ZNF57: variants seen among roughly 807,000 people sequenced by gnomAD.
The protein encoded by ZNF57 is zinc finger protein 424.
In ZNF57, 11 loss-of-function variants were observed where a neutral mutation model predicts 13.4. The ratio of observed to expected loss-of-function variants is 0.82; its 90% CI spans 0.52 to 1.36. The LOEUF (loss-of-function observed/expected upper bound fraction) is 1.36, where lower values mean the gene tolerates loss of function less well. Ranked by LOEUF, ZNF57 falls within the 40% of genes most tolerant of loss-of-function variation. The probability of loss-of-function intolerance (pLI) is 0.00; values close to 1 mark genes in which losing one functional copy is unlikely to be tolerated. For missense variants in ZNF57, 696 were observed against 667.5 expected (o/e 1.04, Z -0.47); for synonymous variants, 224 against 238.5 (o/e 0.94, Z 0.56).
At chr19:2,912,332 G>A (rs2088145618) in intron 1 of ZNF57, 1 of 152,186 alleles carries the variant, frequency 6.6e-6, no homozygotes, top group Admixed American at 6.5e-5. Flanking sequence ...AAGGCCCGGT[G>A]AGAAAGAGCA....
intron 1 of ZNF57, among the ~76,000 whole-genome samples, chr19:2,902,055 C>T (rs866019134): frequency 1.3e-5 from 2 of 149,716 alleles, no homozygotes; most frequent in Non-Finnish European, 3.0e-5. Flanking sequence ...GCGAGGAGGA[C>T]GTATCGTACA....
intron 3 of ZNF57, chr19:2,916,702 T>C (rs982872845): frequency 4.2e-5 from 15 of 357,774 alleles, no homozygotes; most frequent in African/African-American, 8.5e-5. Flanking sequence ...GGTGACAGAG[T>C]GAGACTCCAT....
chr19:2,901,707 C>T (rs1165245766), intron 1 of ZNF57, among the ~76,000 whole-genome samples: 1 of 151,946 alleles, frequency 6.6e-6, no homozygotes, highest in Non-Finnish European at 1.5e-5. Flanking sequence ...TTAGTAGAGA[C>T]AGGGTTTCAC....
intron 1 of ZNF57, among the ~76,000 whole-genome samples, chr19:2,904,470 T>C (rs1401841609): frequency 6.6e-6 from 1 of 152,208 alleles, no homozygotes; most frequent in Admixed American, 6.5e-5. Flanking sequence ...GCTTTCCAAG[T>C]AGCTGAGACC....
intron 1 of ZNF57, among the ~76,000 whole-genome samples, chr19:2,904,172 A>T (rs144585095): frequency 2.0e-3 from 302 of 152,256 alleles, no homozygotes; most frequent in African/African-American, 7.0e-3. Context: ...CTGAAATTTC[A>T]ATAAGTGACT....
intron 1 of ZNF57, among the ~76,000 whole-genome samples, chr19:2,905,067 C>G (rs1021756577): frequency 6.6e-6 from 1 of 152,200 alleles, no homozygotes; most frequent in Non-Finnish European, 1.5e-5. Context: ...AGCATTGTTG[C>G]AACGCTTGCT....
At chr19:2,905,579 A>T (rs2088067691) in intron 1 of ZNF57, among the ~76,000 whole-genome samples, 1 of 151,388 alleles carries the variant, frequency 6.6e-6, no homozygotes. Flanking sequence ...CCTGGCTAAT[A>T]GGGTGAAACC....
chr19:2,911,488 G>T, intron 1 of ZNF57, among the ~76,000 whole-genome samples: 1 of 151,820 alleles, frequency 6.6e-6, no homozygotes, highest in Non-Finnish European at 1.5e-5. Context: ...AACTGAGATT[G>T]TGTCATCGCA....
chr19:2,916,313 C>G (rs1183968248), intron 3 of ZNF57, 64 bp downstream of exon 3: 1 of 1,363,508 alleles, frequency 7.3e-7, no homozygotes, highest in Admixed American at 2.7e-5. Flanking sequence ...AGTATTGCTC[C>G]AAATATAAGC....
At chr19:2,915,894 A>C (rs1163892105) in intron 2 of ZNF57, among the ~76,000 whole-genome samples, 184 bp from the exon 3 acceptor site, 1 of 152,196 alleles carries the variant, frequency 6.6e-6, no homozygotes, top group East Asian at 1.9e-4. Flanking sequence ...TTCACTGGTC[A>C]TTTAGGATCA....
chr19:2,904,011 G>A (rs1460797751), intron 1 of ZNF57, among the ~76,000 whole-genome samples: 2 of 152,204 alleles, frequency 1.3e-5, no homozygotes, highest in Non-Finnish European at 2.9e-5. Context: ...CACCGCGCCC[G>A]GCCCATTCCT....
At chr19:2,908,638 C>G (rs941611492) in intron 1 of ZNF57, among the ~76,000 whole-genome samples, 2 of 151,800 alleles carry the variant, frequency 1.3e-5, no homozygotes, top group Non-Finnish European at 2.9e-5. Context: ...CTCCTGACCT[C>G]GTGATCCGCC....
intron 1 of ZNF57, among the ~76,000 whole-genome samples, chr19:2,911,392 G>A (rs1363854099): frequency 6.6e-6 from 1 of 152,080 alleles, no homozygotes; most frequent in Admixed American, 6.6e-5. Flanking sequence ...AATTAGCTGG[G>A]CATGATGGCG....
chr19:2,903,872 C>T (rs1030797836), intron 1 of ZNF57, among the ~76,000 whole-genome samples: 1 of 152,092 alleles, frequency 6.6e-6, no homozygotes, highest in Non-Finnish European at 1.5e-5. Context: ...ACCGCCACCT[C>T]GCCCGGCTAA....
chr19:2,918,369 A>G lies in ZNF57; in HGVS notation c.*80A>G. Reference sequence around the variant, plus strand: ...TCCAGAAAATTCACACCAGGAGAGAAATCTTACAAGTATGATATTGTCTTT... The same window carrying G: ...TCCAGAAAATTCACACCAGGAGAGAGATCTTACAAGTATGATATTGTCTTT... On this transcript the variant is annotated 3_prime_UTR_variant, in exon 4 of 4. Transcript: ENST00000306908. The G allele has an allele frequency of 1.4e-6, 2 of 1,434,620 alleles. No homozygotes were observed. Among genetic ancestry groups the G allele is most frequent in the South Asian group, 2.8e-5 (2 of 71,446 alleles). The allele number at this position is 1,434,620 out of a possible 1,614,324, so 88.9% of individuals were successfully genotyped here. A position where few individuals can be genotyped will look rare whatever the true frequency, so the allele number is the denominator to read the frequency against.
At position 2,903,021 on chromosome 19, in the gene ZNF57, G is replaced by A. The variant is rs1308748711; in HGVS notation, c.3+1973G>A. Among the ~76,000 whole-genome samples the A allele has an allele frequency of 1.3e-5, 2 of 152,184 alleles. 1 individual carries two copies. The stretch of plus-strand genomic sequence containing the variant: ...GCCGCTGAGGGTGCAGCGGGGTCTG[G>A]CTGGGCAGCCTCCACTTGCTCAGTC... On this transcript the variant is annotated intron_variant, in intron 1 of 3. Coordinates refer to ENST00000306908, the MANE Select transcript of ZNF57 (RefSeq NM_173480.3).
intron 1 of ZNF57, among the ~76,000 whole-genome samples, chr19:2,906,694 G>C (rs904280896): frequency 6.6e-6 from 1 of 152,212 alleles, no homozygotes; most frequent in Non-Finnish European, 1.5e-5. Context: ...TGTCTGCTGT[G>C]TGTGGTTAGA....
chr19:2,918,097 T>A lies in ZNF57; in HGVS notation c.1476T>A (p.His492Gln), dbSNP rs1420185474. Reference sequence around the variant, plus strand: ...CCTTCACTTGGTCCTCAACCTTACATAATCATGTGAGGATGCACACTGGAG... The same window carrying A: ...CCTTCACTTGGTCCTCAACCTTACAAAATCATGTGAGGATGCACACTGGAG... ...GKTFTWSSTLHNHVRMHTGEK... is the reference protein window; with the variant it reads ...GKTFTWSSTLQNHVRMHTGEK... Residue 492 changes from histidine to glutamine, a missense_variant, in exon 4 of 4, where the codon CAT becomes CAA. His to Gln is a conservative substitution (Grantham distance 24). Around this residue, in one of 3 missense-constraint regions of ZNF57, gnomAD observed 645 missense variants for 591.5 expected, o/e 1.09. Coordinates refer to ENST00000306908, the MANE Select transcript of ZNF57 (RefSeq NM_173480.3). The A allele has an allele frequency of 6.2e-7, 1 of 1,613,912 alleles. No individual in the cohort carries two copies. Among genetic ancestry groups the A allele is most frequent in the Admixed American group, 1.7e-5 (1 of 59,992 alleles).
chr19:2,906,046 C>G (rs1272776978), intron 1 of ZNF57, among the ~76,000 whole-genome samples: 2 of 152,052 alleles, frequency 1.3e-5, no homozygotes, highest in African/African-American at 4.8e-5. Flanking sequence ...ATAATTGTTC[C>G]ATGATGATTG....
Sources: allele counts gnomAD v4.1 joint callset (sites outside exome capture counted in the v4.1 genomes callset), GRCh38; gene constraint gnomAD v4.1.1; regional missense constraint gnomAD v4.1.1; transcripts MANE v1.5; gene names NCBI Gene and HGNC (gene_info 2026-07-23, HGNC 2026-07-21).